KIT: variants seen among roughly 807,000 people sequenced by gnomAD.
KIT encodes the protein mast/stem cell growth factor receptor Kit.
Under a neutral mutation model 105.7 loss-of-function variants are expected in KIT, and 16 were observed. The observed-to-expected ratio is 0.15, with a 90% confidence interval of 0.10 to 0.23. The LOEUF is 0.23. Among genes scored for constraint, KIT ranks in the 10% least tolerant of loss-of-function variants. The probability of loss-of-function intolerance (pLI) is 1.00; values close to 1 mark genes in which losing one functional copy is unlikely to be tolerated. For synonymous variants in KIT, 438 were observed against 441.1 expected, an observed-to-expected ratio of 0.99 and a Z score of 0.09; for missense variants, 858 against 1,213.8, an observed-to-expected ratio of 0.71 and a Z score of 4.36.
intron 1 of KIT, among the ~76,000 whole-genome samples, chr4:54,685,331 A>T (rs1719235984): frequency 6.6e-6 from 1 of 152,052 alleles, no homozygotes; most frequent in South Asian, 2.1e-4. Context: ...AATGCCTCAA[A>T]ATCTGTTTTA....
At chr4:54,701,947 G>A (rs1720480298) in intron 4 of KIT, among the ~76,000 whole-genome samples, 1 of 152,142 alleles carries the variant, frequency 6.6e-6, no homozygotes, top group South Asian at 2.1e-4. Context: ...AATCTACATA[G>A]TGTTACAAAC....
At chr4:54,690,131 G>A (rs1276476630) in intron 1 of KIT, among the ~76,000 whole-genome samples, 1 of 151,380 alleles carries the variant, frequency 6.6e-6, no homozygotes, top group Non-Finnish European at 1.5e-5. Context: ...GACCACATTG[G>A]GTTTTATAAG....
rs527773279 is a variant in KIT at position 54,729,218 on chromosome 4, G to T, written c.1991-117G>T. 1.3e-5 allele frequency: 14 copies of T among 1,063,644 alleles called. No individual in the cohort carries two copies. The South Asian group carries it at 1.8e-4, about 14-fold the overall frequency. 65.9% of individuals were successfully genotyped at this position (1,063,644 alleles called of 1,614,324 possible). The stretch of plus-strand genomic sequence containing the variant: ...TATGGGATTGTATTGGGACTAAGTA[G>T]TCTGATCCACTGAAGCTGAATATTA... On this transcript the variant is annotated intron_variant, in intron 13 of 20. Transcript: ENST00000288135.
chr4:54,712,394 C>T (rs1721218983), intron 7 of KIT, among the ~76,000 whole-genome samples: 1 of 152,246 alleles, frequency 6.6e-6, no homozygotes, highest in Non-Finnish European at 1.5e-5. Flanking sequence ...GCCCACTCCA[C>T]AGACCTCACT....
intron 1 of KIT, among the ~76,000 whole-genome samples, chr4:54,689,421 G>T (rs571849089): frequency 5.3e-5 from 8 of 152,284 alleles, no homozygotes; most frequent in African/African-American, 1.7e-4. Flanking sequence ...CCTTGGGCAG[G>T]GTCAGTGTGG....
intron 7 of KIT, among the ~76,000 whole-genome samples, chr4:54,716,526 T>C (rs954100213): frequency 6.6e-6 from 1 of 152,152 alleles, no homozygotes; most frequent in Non-Finnish European, 1.5e-5. Flanking sequence ...AATTTTTTTT[T>C]AAATAAAAAT....
At chr4:54,682,729 C>T (rs537257993) in intron 1 of KIT, among the ~76,000 whole-genome samples, 2 of 149,710 alleles carry the variant, frequency 1.3e-5, no homozygotes, top group South Asian at 2.1e-4. Flanking sequence ...TGCGCCCGGC[C>T]GATATTTCTT....
chr4:54,676,856 C>G (rs1718512172), intron 1 of KIT, among the ~76,000 whole-genome samples: 1 of 152,140 alleles, frequency 6.6e-6, no homozygotes, highest in African/African-American at 2.4e-5. Flanking sequence ...GCCCTTCTGT[C>G]CACTGCCAGG....
chr4:54,660,257 T>C (rs1717156707), intron 1 of KIT, among the ~76,000 whole-genome samples: 1 of 152,132 alleles, frequency 6.6e-6, no homozygotes. Flanking sequence ...TCAATTCCCA[T>C]ATATTCCTCT....
chr4:54,732,949 T>G (rs776218243), intron 16 of KIT, 121 bp from the exon 17 acceptor site: 3 of 834,530 alleles, frequency 3.6e-6, no homozygotes, highest in Non-Finnish European at 5.7e-6. Flanking sequence ...CTGAATACTT[T>G]AAAACAAAAG....
At chr4:54,703,921 T>A in intron 5 of KIT, 29 bp downstream of exon 5, 1 of 1,531,690 alleles carries the variant, frequency 6.5e-7, no homozygotes, top group Non-Finnish European at 9.1e-7. Flanking sequence ...ATGTTTAAAT[T>A]ACTGGCAGTA....
intron 1 of KIT, among the ~76,000 whole-genome samples, chr4:54,680,347 T>C (rs1271634229): frequency 6.6e-6 from 1 of 151,696 alleles, no homozygotes; most frequent in Admixed American, 6.6e-5. Flanking sequence ...GAGTTTAGGG[T>C]TGTCACACTT....
At chr4:54,658,195 C>A in intron 1 of KIT, 114 bp downstream of exon 1, 3 of 1,060,294 alleles carry the variant, frequency 2.8e-6, no homozygotes, top group East Asian at 2.5e-5. Flanking sequence ...CCTCAGTGCC[C>A]GTGCGTTCCA....
At chr4:54,683,415 T>G (rs1324830475) in intron 1 of KIT, among the ~76,000 whole-genome samples, 1 of 152,084 alleles carries the variant, frequency 6.6e-6, no homozygotes, top group African/African-American at 2.4e-5. Context: ...GGCAGGAGAA[T>G]AGCGTGAGCC....
intron 1 of KIT, among the ~76,000 whole-genome samples, chr4:54,690,411 A>G (rs1719627785): frequency 6.6e-6 from 1 of 152,162 alleles, no homozygotes; most frequent in Non-Finnish European, 1.5e-5. Flanking sequence ...AGCGAAGGCC[A>G]TTTTCTAGGT....
At chr4:54,708,423 G>C (rs2109710099) in intron 6 of KIT, among the ~76,000 whole-genome samples, 1 of 152,204 alleles carries the variant, frequency 6.6e-6, no homozygotes, top group East Asian at 1.9e-4. Flanking sequence ...TGGCTCAGAT[G>C]ACCCCAAGCC....
intron 7 of KIT, among the ~76,000 whole-genome samples, chr4:54,713,752 G>T (rs1421406155): frequency 6.6e-6 from 1 of 152,082 alleles, no homozygotes; most frequent in East Asian, 1.9e-4. Context: ...GTGGGGAAGG[G>T]GCATGTTTTA....
At chr4:54,681,837 C>T (rs1285762902) in intron 1 of KIT, among the ~76,000 whole-genome samples, 1 of 151,812 alleles carries the variant, frequency 6.6e-6, no homozygotes, top group Admixed American at 6.6e-5. Context: ...GCCAGGAGTT[C>T]GAGATCAGCC....
intron 7 of KIT, among the ~76,000 whole-genome samples, chr4:54,718,805 C>T (rs1721662521): frequency 1.3e-5 from 2 of 152,118 alleles, no homozygotes; most frequent in African/African-American, 4.8e-5. Flanking sequence ...TGTTAGTGTC[C>T]ATATGCCAAT....
Sources: allele counts gnomAD v4.1 joint callset (sites outside exome capture counted in the v4.1 genomes callset), GRCh38; gene constraint gnomAD v4.1.1; transcripts MANE v1.5; gene names NCBI Gene and HGNC (gene_info 2026-07-23, HGNC 2026-07-21).